The following MYBL2 variants were observed in gnomAD, a reference collection of about 807,000 sequenced individuals.
The protein encoded by MYBL2 is myb-related protein B.
In MYBL2, 28 loss-of-function variants were observed where a neutral mutation model predicts 79.9. That is an observed-to-expected ratio of 0.35 (90% CI 0.26 to 0.48). The LOEUF is 0.48. Among genes scored for constraint, MYBL2 ranks in the 20% least tolerant of loss-of-function variants. The pLI is 0.99. For missense variants in MYBL2, 735 were observed against 893.9 expected (o/e 0.82, Z 2.27); for synonymous variants, 378 against 361.2 (o/e 1.05, Z -0.53).
chr20:43,691,870 T>A (rs929516170), intron 5 of MYBL2, among the ~76,000 whole-genome samples: 3 of 151,500 alleles, frequency 2.0e-5, no homozygotes, highest in African/African-American at 7.3e-5. Flanking sequence ...TTAAAAAAAA[T>A]TTTGTTTTTT....
At chr20:43,677,235 G>C (rs1987033856) in intron 2 of MYBL2, among the ~76,000 whole-genome samples, 1 of 152,164 alleles carries the variant, frequency 6.6e-6, no homozygotes, top group Non-Finnish European at 1.5e-5. Flanking sequence ...TTTCTCTCTG[G>C]AATGGAGAGA....
chr20:43,713,071 C>G lies in MYBL2; in HGVS notation c.1789C>G (p.Leu597Val), dbSNP rs1600567682. 6.2e-7 allele frequency: 1 copy of G among 1,613,282 alleles called. No individual in the cohort carries two copies. Among genetic ancestry groups the G allele is most frequent in the Non-Finnish European group, 8.5e-7 (1 of 1,179,698 alleles). ...ALDIVDEDVK[L>V]MMSTLPKSLS... is the part of the protein sequence containing the mutation. ...TGACATTGTGGATGAGGATGTGAAGCTGATGATGTCCACACTGCCCAAGTC... is the reference window on the plus strand; with the variant it reads ...TGACATTGTGGATGAGGATGTGAAGGTGATGATGTCCACACTGCCCAAGTC... Residue 597 changes from leucine (L) to valine (V), a missense_variant, in exon 12 of 14, where the codon CTG becomes GTG. This residue lies in a region of MYBL2 where 204 missense variants were observed against 202.9 expected (regional missense o/e 1.01). Coordinates refer to ENST00000217026, the MANE Select transcript of MYBL2 (RefSeq NM_002466.4).
intron 6 of MYBL2, among the ~76,000 whole-genome samples, chr20:43,699,418 A>C (rs1053120966): frequency 2.6e-5 from 4 of 152,194 alleles, no homozygotes; most frequent in African/African-American, 9.6e-5. Flanking sequence ...GAATAAGGCC[A>C]TTTGCTTACA....
intron 9 of MYBL2, 24 bp downstream of exon 9, chr20:43,705,382 C>A (rs1987757689): frequency 1.9e-6 from 3 of 1,575,940 alleles, no homozygotes; most frequent in African/African-American, 1.3e-5. Context: ...TGCCCCCAAC[C>A]TTCGCCGTCC....
intron 2 of MYBL2, among the ~76,000 whole-genome samples, chr20:43,675,794 A>C (rs1345989318): frequency 1.4e-5 from 2 of 144,692 alleles, no homozygotes; most frequent in African/African-American, 5.5e-5. Flanking sequence ...TGTTGTTTTT[A>C]ACTTTAGGTT....
intron 1 of MYBL2, chr20:43,673,591 C>T: frequency 1.6e-6 from 1 of 629,530 alleles, no homozygotes; most frequent in Non-Finnish European, 3.0e-6. Flanking sequence ...GAGCTACGAT[C>T]ATGCCACACT....
chr20:43,694,411 C>T (rs1224885349), intron 6 of MYBL2, among the ~76,000 whole-genome samples: 1 of 151,660 alleles, frequency 6.6e-6, no homozygotes, highest in Admixed American at 6.6e-5. Flanking sequence ...TTGATGATGC[C>T]GGCTGTGTGG....
At chr20:43,678,315 G>T (rs1051060030) in intron 2 of MYBL2, among the ~76,000 whole-genome samples, 48 of 47,022 alleles carry the variant, frequency 1.0e-3, no homozygotes, top group African/African-American at 2.6e-3. Flanking sequence ...AATAAATAAA[G>T]AAAGAAAGAA....
chr20:43,667,826 G>A (rs1004055172), intron 1 of MYBL2, among the ~76,000 whole-genome samples: 3 of 152,168 alleles, frequency 2.0e-5, no homozygotes, highest in Admixed American at 6.5e-5. Flanking sequence ...CCCCTGGACT[G>A]AGAAGGGTGC....
At chr20:43,676,089 G>C (rs976064808) in intron 2 of MYBL2, among the ~76,000 whole-genome samples, 1 of 151,838 alleles carries the variant, frequency 6.6e-6, no homozygotes, top group African/African-American at 2.4e-5. Flanking sequence ...ATTTTTAGTA[G>C]AGACAAGGTT....
At chr20:43,709,790 C>A (rs1987865054) in intron 9 of MYBL2, among the ~76,000 whole-genome samples, 173 bp from the exon 10 acceptor site, 1 of 152,222 alleles carries the variant, frequency 6.6e-6, no homozygotes, top group African/African-American at 2.4e-5. Context: ...ACTCCCCTCT[C>A]CCTTCTGTTT....
chr20:43,714,505 G>A (rs1987984008), intron 12 of MYBL2, among the ~76,000 whole-genome samples: 2 of 152,082 alleles, frequency 1.3e-5, no homozygotes, highest in Non-Finnish European at 2.9e-5. Context: ...GTGCCCCCAC[G>A]TACTTGACTG....
chr20:43,687,676 C>A (rs1987310166), intron 5 of MYBL2, among the ~76,000 whole-genome samples: 1 of 151,990 alleles, frequency 6.6e-6, no homozygotes, highest in South Asian at 2.1e-4. Flanking sequence ...TTTCCCACTC[C>A]CCATATGTCC....
chr20:43,687,772 T>C (rs574334410), intron 5 of MYBL2, among the ~76,000 whole-genome samples: 2 of 152,224 alleles, frequency 1.3e-5, no homozygotes, highest in East Asian at 1.9e-4. Context: ...TCCTAGCACG[T>C]TGGGTGGCTG....
intron 5 of MYBL2, among the ~76,000 whole-genome samples, chr20:43,690,319 C>T (rs568849931): frequency 6.6e-6 from 1 of 152,188 alleles, no homozygotes; most frequent in South Asian, 2.1e-4. Context: ...GATTCTCCTG[C>T]CTCAGCCTCC....
rs143997263 is a variant in MYBL2, at chr20:43,707,924, C to T, written c.1506-2039C>T. ...TCTCTGTGTCTTTTTCGTCTTCATA[C>T]GCCTCTTCACCATCTTAAGCCATTT... On this transcript the variant is annotated intron_variant, in intron 9 of 13. Transcript: ENST00000217026. Among the ~76,000 whole-genome samples the T allele has an allele frequency of 3.9e-4, 59 of 152,276 alleles. No individual in the cohort carries two copies. In the East Asian group the frequency reaches 8.3e-3, roughly 21 times the overall value.
intron 1 of MYBL2, among the ~76,000 whole-genome samples, chr20:43,670,095 ACT>A (rs1369113883): frequency 6.6e-6 from 1 of 152,114 alleles, no homozygotes; most frequent in African/African-American, 2.4e-5. Context: ...ACAAAGCGAG[ACT>A]CTATCTCAAA....
In MYBL2 at chr20:43,712,355, G is replaced by A. The variant is rs142825928; in HGVS notation, c.1720-647G>A. ...CGGTCAGCCTGGGCGGGACTTGCCC[G>A]AGCTGGCACCCCATGTGCACGTGGA... On this transcript the variant is annotated intron_variant, in intron 11 of 13. Transcript: ENST00000217026. 1.0e-3 allele frequency among the ~76,000 whole-genome samples: 157 copies of A among 152,286 alleles called. 1 individual carries two copies. The highest frequency in any genetic ancestry group is 1.6e-3 in the Non-Finnish European group (106 of 68,002).
chr20:43,715,808 A>C, intron 13 of MYBL2, 151 bp from the exon 14 acceptor site: 1 of 1,142,516 alleles, frequency 8.8e-7, no homozygotes. Context: ...TGACTTGTCC[A>C]GGGTCACAGG....
Sources: gnomAD v4.1 joint callset for allele counts (sites outside exome capture counted in the v4.1 genomes callset) on GRCh38, gnomAD v4.1.1 for gene constraint, gnomAD v4.1.1 regional missense constraint, MANE v1.5 for transcripts, NCBI Gene and HGNC (gene_info 2026-07-23, HGNC 2026-07-21) for gene names.